Variants in PAPPA observed in about 807,000 individuals in gnomAD.
PAPPA encodes the protein pappalysin-1.
Under a neutral mutation model 164.0 loss-of-function variants are expected in PAPPA, and 60 were observed. That is an observed-to-expected ratio of 0.37 (90% CI 0.30 to 0.45). The LOEUF (loss-of-function observed/expected upper bound fraction) is 0.45, where lower values mean the gene tolerates loss of function less well. Among genes scored for constraint, PAPPA ranks in the 20% least tolerant of loss-of-function variants. The pLI is 1.00. For synonymous variants in PAPPA, 875 were observed against 814.1 expected (o/e 1.07, Z -1.27); for missense variants, 1,782 against 2,087.3 (o/e 0.85, Z 2.85).
chr9:116,266,026 G>T (rs777293828), intron 8 of PAPPA, 41 bp downstream of exon 8: 2 of 1,558,346 alleles, frequency 1.3e-6, no homozygotes, highest in Admixed American at 1.7e-5. Flanking sequence ...AGGGATGCTG[G>T]TTAGGTCAAG....
intron 9 of PAPPA, among the ~76,000 whole-genome samples, chr9:116,296,862 A>AT (rs141335308): frequency 0.093 from 13,978 of 149,562 alleles, 718 homozygotes; most frequent in South Asian, 0.16. Context: ...TTATGTGTTT[A>AT]TTTTTTTTTT....
chr9:116,194,477 C>G (rs1385148964), intron 2 of PAPPA, among the ~76,000 whole-genome samples: 1 of 152,184 alleles, frequency 6.6e-6, no homozygotes, highest in Non-Finnish European at 1.5e-5. Flanking sequence ...TTTAATGTGA[C>G]TAATATTCAT....
At chr9:116,218,313 C>T (rs1844401491) in intron 4 of PAPPA, among the ~76,000 whole-genome samples, 1 of 152,174 alleles carries the variant, frequency 6.6e-6, no homozygotes, top group Non-Finnish European at 1.5e-5. Context: ...CTGTCCAGCA[C>T]CTGCCCAAAT....
chr9:116,264,205 T>C (rs1467949721), intron 7 of PAPPA, among the ~76,000 whole-genome samples: 1 of 152,222 alleles, frequency 6.6e-6, no homozygotes, highest in Non-Finnish European at 1.5e-5. Context: ...ATATGCTCAT[T>C]AGTCTAGATG....
chr9:116,205,082 T>C (rs59107471), intron 2 of PAPPA, among the ~76,000 whole-genome samples: 3,341 of 150,054 alleles, frequency 0.022, 83 homozygotes, highest in East Asian at 0.11. Flanking sequence ...TTTTTTTTTT[T>C]CCCCCCTTTG....
At chr9:116,216,633 G>A (rs1433512184) in intron 4 of PAPPA, among the ~76,000 whole-genome samples, 1 of 152,168 alleles carries the variant, frequency 6.6e-6, no homozygotes, top group East Asian at 1.9e-4. Context: ...AGCTAATTGA[G>A]GCAGATCTTT....
At position 116,401,498 on chromosome 9, in the gene PAPPA, C is replaced by G. The variant is rs1027176714; in HGVS notation, c.*4882C>G. On this transcript the variant is annotated 3_prime_UTR_variant, in exon 22 of 22. Transcript: ENST00000328252. ...TTTCTTGGGTCTCTATAATCAATAA[C>G]CTGTCTGCAGATATCTATCTATATA... The G allele has an allele frequency of 1.3e-5, 2 of 151,828 alleles. No homozygotes were observed. The highest frequency in any genetic ancestry group is 1.9e-4 in the East Asian group (1 of 5,160). The allele number at this position is 151,828 out of a possible 1,614,324, so 9.4% of individuals were successfully genotyped here. A position where few individuals can be genotyped will look rare whatever the true frequency, so the allele number is the denominator to read the frequency against.
chr9:116,356,714 T>A (rs746130347), intron 17 of PAPPA, among the ~76,000 whole-genome samples: 2 of 152,226 alleles, frequency 1.3e-5, no homozygotes, highest in Non-Finnish European at 1.5e-5. Flanking sequence ...CATTGGTCTA[T>A]ATATCTGTTT....
chr9:116,334,849 C>T lies in PAPPA; in HGVS notation c.3398-12C>T. 1.2e-6 allele frequency: 2 copies of T among 1,609,082 alleles called. No homozygotes were observed. Among genetic ancestry groups the T allele is most frequent in the South Asian group, 1.1e-5 (1 of 90,952 alleles). On this transcript the variant is annotated splice_polypyrimidine_tract_variant and intron_variant, in intron 12 of 21. Coordinates refer to ENST00000328252, the MANE Select transcript of PAPPA (RefSeq NM_002581.5). The stretch of plus-strand genomic sequence containing the variant: ...GAGCCTGGCCCCTCGGCCCCTCTGT[C>T]TCCCCTGACAGGCCTCCATGTCCTG...
In PAPPA at chr9:116,334,937, C is replaced by T. The variant is rs1228340106; in HGVS notation, c.3474C>T (p.His1158=). The change falls in exon 13 of 22, where the codon CAC becomes CAT. Residue 1158 remains histidine (H), a synonymous_variant. Coordinates refer to ENST00000328252, the MANE Select transcript of PAPPA (RefSeq NM_002581.5). Reference sequence around the variant, plus strand: ...ATGACCTCAGCCAGCCCTTCTACCACAGCCAGGCGGTACGTGTGAGCTTCA... The same window carrying T: ...ATGACCTCAGCCAGCCCTTCTACCATAGCCAGGCGGTACGTGTGAGCTTCA... ...VVHDLSQPFY[H]SQAVRVSFSS... is the part of the protein sequence containing the mutation. The T allele has an allele frequency of 6.2e-7, 1 of 1,613,888 alleles. No individual in the cohort carries two copies. The highest frequency in any genetic ancestry group is 1.1e-5 in the South Asian group (1 of 91,058).
At chr9:116,283,844 G>A (rs1003537277) in intron 9 of PAPPA, among the ~76,000 whole-genome samples, 15 of 151,884 alleles carry the variant, frequency 9.9e-5, no homozygotes, top group African/African-American at 3.1e-4. Flanking sequence ...CATTTGTCCC[G>A]TGTGCATTTT....
At chr9:116,216,175 G>A (rs983519032) in intron 4 of PAPPA, among the ~76,000 whole-genome samples, 1 of 152,040 alleles carries the variant, frequency 6.6e-6, no homozygotes, top group South Asian at 2.1e-4. Context: ...TTCACACAAG[G>A]CAACTTAGTT....
intron 1 of PAPPA, among the ~76,000 whole-genome samples, chr9:116,159,497 T>C (rs768913836): frequency 3.3e-5 from 5 of 152,122 alleles, no homozygotes; most frequent in African/African-American, 4.8e-5. Flanking sequence ...TTCTCCTCTT[T>C]GACATGCTAG....
rs746329105 is a variant in PAPPA at position 116,396,613 on chromosome 9, C to A, written c.4881C>A (p.Gly1627=). 1.3e-6 allele frequency: 1 copy of A among 780,524 alleles called. No individual in the cohort carries two copies. 48.3% of individuals were successfully genotyped at this position (780,524 alleles called of 1,614,324 possible). The change falls in exon 22 of 22, where the codon GGC becomes GGA. Residue 1627 remains glycine, a synonymous_variant. Coordinates refer to ENST00000328252, the MANE Select transcript of PAPPA (RefSeq NM_002581.5). The stretch of plus-strand genomic sequence containing the variant: ...AAGACCTCCGGGGATACAGCCATGG[C>A]TAAGGAAGGACAAGAAGTTGTCAAA... ...SRKDLRGYSH[G] is the part of the protein sequence containing the mutation.
rs34840411 is a variant in PAPPA at position 116,215,951 on chromosome 9, C to CAT, written c.1919-3976_1919-3975dup. Among the ~76,000 whole-genome samples, 640 of 151,674 alleles carry CAT rather than the reference C, an allele frequency of 4.2e-3. 6 individuals are homozygous for CAT. The highest frequency in any genetic ancestry group is 0.014 in the African/African-American group (561 of 41,314). Reference sequence around the variant, plus strand: ...AGATATTTACATCCATATACAAACACATATATATATACATACATATACACA... The same window carrying CAT: ...AGATATTTACATCCATATACAAACACATATATATATATACATACATATACACA... On this transcript the variant is annotated intron_variant, in intron 4 of 21. Coordinates refer to ENST00000328252, the MANE Select transcript of PAPPA (RefSeq NM_002581.5).
intron 6 of PAPPA, among the ~76,000 whole-genome samples, chr9:116,231,568 C>A (rs1844592182): frequency 1.3e-5 from 2 of 151,992 alleles, no homozygotes; most frequent in Admixed American, 1.3e-4. Context: ...GAACAGAGAT[C>A]ATGTTGGCAA....
intron 21 of PAPPA, among the ~76,000 whole-genome samples, chr9:116,394,469 C>T (rs367682903): frequency 1.3e-5 from 2 of 152,148 alleles, no homozygotes; most frequent in African/African-American, 4.8e-5. Context: ...GATCCCAACC[C>T]AAACCTTTTG....
At chr9:116,387,694 T>A (rs1337873438) in intron 21 of PAPPA, among the ~76,000 whole-genome samples, 1 of 152,224 alleles carries the variant, frequency 6.6e-6, no homozygotes, top group Non-Finnish European at 1.5e-5. Context: ...ATCTTTTTAA[T>A]CCTCATTTTA....
intron 1 of PAPPA, among the ~76,000 whole-genome samples, chr9:116,173,472 C>T (rs1488792200): frequency 1.3e-5 from 2 of 152,154 alleles, no homozygotes; most frequent in African/African-American, 2.4e-5. Flanking sequence ...CCCACCCACC[C>T]CCATGGACTG....
Sources: gnomAD v4.1 joint callset for allele counts (sites outside exome capture counted in the v4.1 genomes callset) on GRCh38, gnomAD v4.1.1 for gene constraint, MANE v1.5 for transcripts, NCBI Gene and HGNC (gene_info 2026-07-23, HGNC 2026-07-21) for gene names.